ANO3: variants seen among roughly 807,000 people sequenced by gnomAD.
ANO3 encodes anoctamin 3.
Under a neutral mutation model 144.8 loss-of-function variants are expected in ANO3, and 99 were observed. The observed-to-expected ratio is 0.68, with a 90% CI of 0.58 to 0.81. The LOEUF (loss-of-function observed/expected upper bound fraction) is 0.81, where lower values mean the gene tolerates loss of function less well. ANO3 is among the 30% of genes least tolerant of loss of function. The pLI, the probability that ANO3 is intolerant of heterozygous loss-of-function variation, is 0.00. For synonymous variants in ANO3, 414 were observed against 392.6 expected, an observed-to-expected ratio of 1.05 and a Z score of -0.64; for missense variants, 905 against 1,202.2, an observed-to-expected ratio of 0.75 and a Z score of 3.66.
chr11:26,483,259 T>C (rs950828963), intron 4 of ANO3, among the ~76,000 whole-genome samples: 4 of 152,176 alleles, frequency 2.6e-5, no homozygotes, highest in African/African-American at 9.7e-5. Context: ...AATCTTAATA[T>C]TAGTCATTAT....
intron 1 of ANO3, among the ~76,000 whole-genome samples, chr11:26,383,653 A>G (rs1856645281): frequency 1.3e-5 from 2 of 152,146 alleles, no homozygotes; most frequent in Admixed American, 1.3e-4. Context: ...AAATAAAACA[A>G]TCTTCAAGGA....
At chr11:26,627,236 T>G (rs1161608547) in intron 18 of ANO3, among the ~76,000 whole-genome samples, 1 of 151,998 alleles carries the variant, frequency 6.6e-6, no homozygotes, top group Admixed American at 6.6e-5. Flanking sequence ...ACATTTGGAT[T>G]GCCGCATCAT....
intron 1 of ANO3, among the ~76,000 whole-genome samples, chr11:26,286,672 C>A (rs539819648): frequency 6.6e-6 from 1 of 152,064 alleles, no homozygotes; most frequent in Non-Finnish European, 1.5e-5. Flanking sequence ...CAGAAGATGG[C>A]GATATGGATG....
intron 8 of ANO3, among the ~76,000 whole-genome samples, chr11:26,532,529 A>G (rs978977289): frequency 1.3e-5 from 2 of 152,042 alleles, no homozygotes; most frequent in African/African-American, 4.8e-5. Flanking sequence ...CAAATTTCTT[A>G]TTATTTACTA....
intron 18 of ANO3, 146 bp downstream of exon 18, chr11:26,624,644 A>C: frequency 1.7e-6 from 1 of 604,778 alleles, no homozygotes; most frequent in Non-Finnish European, 2.9e-6. Flanking sequence ...TAGTATAGGA[A>C]GTTGGTCTAT....
intron 17 of ANO3, 104 bp downstream of exon 17, chr11:26,599,818 A>G: frequency 2.1e-6 from 2 of 963,516 alleles, no homozygotes; most frequent in Non-Finnish European, 2.9e-6. Flanking sequence ...GAGCCAAAAT[A>G]AGACCAAGCC....
chr11:26,584,228 G>A (rs1338249048), intron 14 of ANO3, among the ~76,000 whole-genome samples: 6 of 152,098 alleles, frequency 3.9e-5, no homozygotes, highest in African/African-American at 1.2e-4. Context: ...GCATGATCTC[G>A]GCTCACTGCA....
chr11:26,606,347 T>A (rs1338461784), intron 17 of ANO3, among the ~76,000 whole-genome samples: 1 of 152,108 alleles, frequency 6.6e-6, no homozygotes, highest in East Asian at 1.9e-4. Context: ...TTACTTCCAA[T>A]TATGTGGTCA....
intron 14 of ANO3, among the ~76,000 whole-genome samples, chr11:26,567,557 A>T (rs1451260251): frequency 1.3e-5 from 2 of 151,996 alleles, no homozygotes; most frequent in Admixed American, 1.3e-4. Flanking sequence ...ACGTAAATAT[A>T]TCTATAATAT....
At chr11:26,269,041 C>T (rs1490433539) in intron 1 of ANO3, among the ~76,000 whole-genome samples, 1 of 152,162 alleles carries the variant, frequency 6.6e-6, no homozygotes, top group Non-Finnish European at 1.5e-5. Context: ...CTGGCCATAA[C>T]CTATTTGTGA....
At chr11:26,537,846 G>A (rs1272240201) in intron 10 of ANO3, among the ~76,000 whole-genome samples, 1 of 152,134 alleles carries the variant, frequency 6.6e-6, no homozygotes, top group East Asian at 1.9e-4. Flanking sequence ...AAAACCTATA[G>A]CCAATTACCT....
chr11:26,540,450 C>A (rs1043421778), intron 10 of ANO3, among the ~76,000 whole-genome samples: 2 of 152,026 alleles, frequency 1.3e-5, no homozygotes, highest in African/African-American at 4.8e-5. Flanking sequence ...CCAAAATTGA[C>A]AAATGGGATC....
intron 24 of ANO3, among the ~76,000 whole-genome samples, chr11:26,655,174 A>G (rs990194636): frequency 1.4e-4 from 22 of 152,262 alleles, no homozygotes; most frequent in Admixed American, 6.5e-4. Context: ...CCAAGAACTT[A>G]GCAAATATCT....
chr11:26,374,665 T>C (rs1856356362), intron 1 of ANO3, among the ~76,000 whole-genome samples: 1 of 152,224 alleles, frequency 6.6e-6, no homozygotes, highest in Non-Finnish European at 1.5e-5. Context: ...TCCAGCCTTG[T>C]TGACAATTTT....
At chr11:26,528,597 T>C (rs958894832) in intron 7 of ANO3, among the ~76,000 whole-genome samples, 14 of 152,186 alleles carry the variant, frequency 9.2e-5, no homozygotes, top group Non-Finnish European at 1.9e-4. Context: ...CTTCCTTTTA[T>C]TTGATCCTGC....
Position 26,598,972 on chromosome 11 carries a change from G to T in ANO3, c.1645G>T (p.Val549Phe). ...CTCAGACAAAGTCACTCGTCTTCTT[G>T]TTTCTGTCTCAGGAATATTCTTCAT... Reference protein sequence around the residue: ...PSSDKVTRLLVSVSGIFFMIS... With the variant: ...PSSDKVTRLLFSVSGIFFMIS... Residue 549 changes from valine to phenylalanine, a missense_variant, in exon 16 of 27, where the codon GTT becomes TTT. By Grantham distance (50) the Val-to-Phe change is conservative. Transcript: ENST00000256737. 6.2e-7 allele frequency: 1 copy of T among 1,613,872 alleles called. No individual in the cohort carries two copies. Among genetic ancestry groups the T allele is most frequent in the South Asian group, 1.1e-5 (1 of 91,052 alleles).
intron 1 of ANO3, among the ~76,000 whole-genome samples, chr11:26,384,996 A>G (rs1856686092): frequency 6.6e-6 from 1 of 152,152 alleles, no homozygotes; most frequent in Admixed American, 6.5e-5. Context: ...TAGTATGTTT[A>G]TCCCTTTTCT....
At chr11:26,354,156 G>A (rs990302792) in intron 1 of ANO3, among the ~76,000 whole-genome samples, 9 of 152,140 alleles carry the variant, frequency 5.9e-5, no homozygotes, top group South Asian at 2.1e-4. Flanking sequence ...AGGAGGTATT[G>A]CTAAGACAAC....
intron 1 of ANO3, among the ~76,000 whole-genome samples, chr11:26,197,931 C>T (rs1851621728): frequency 6.6e-6 from 1 of 152,184 alleles, no homozygotes; most frequent in African/African-American, 2.4e-5. Context: ...GACCCCATGG[C>T]ATCTCACTCA....
Sources: gnomAD v4.1 joint callset for allele counts (sites outside exome capture counted in the v4.1 genomes callset) on GRCh38, gnomAD v4.1.1 for gene constraint, MANE v1.5 for transcripts, NCBI Gene and HGNC (gene_info 2026-07-23, HGNC 2026-07-21) for gene names.